Variants in MMP16 observed in about 807,000 individuals in gnomAD.
The protein encoded by MMP16 is matrix metalloproteinase-16.
In MMP16, 12 loss-of-function variants were observed where a neutral mutation model predicts 67.8. That is an observed-to-expected ratio of 0.18 (90% CI 0.11 to 0.29). MMP16 has a LOEUF of 0.29. MMP16 is among the 10% of genes least tolerant of loss of function. The probability of loss-of-function intolerance (pLI) is 1.00; values close to 1 mark genes in which losing one functional copy is unlikely to be tolerated. For missense variants in MMP16, 475 were observed against 765.7 expected (o/e 0.62, Z 4.48); for synonymous variants, 249 against 255.9 (o/e 0.97, Z 0.26).
At chr8:88,154,989 C>G (rs1808484419) in intron 4 of MMP16, among the ~76,000 whole-genome samples, 1 of 151,710 alleles carries the variant, frequency 6.6e-6, no homozygotes, top group Non-Finnish European at 1.5e-5. Context: ...TTACATAATG[C>G]TAAGTCTTTC....
intron 1 of MMP16, among the ~76,000 whole-genome samples, chr8:88,230,540 T>A (rs35389061): frequency 7.8e-6 from 1 of 127,764 alleles, no homozygotes; most frequent in Non-Finnish European, 1.8e-5. Flanking sequence ...ATTTTCTTTT[T>A]TTTTTTTTTT....
chr8:88,290,137 A>G (rs1810903672), intron 1 of MMP16, among the ~76,000 whole-genome samples: 1 of 152,202 alleles, frequency 6.6e-6, no homozygotes, highest in South Asian at 2.1e-4. Flanking sequence ...ATTCATAAAT[A>G]TGGAATCCAC....
chr8:88,255,712 AG>A (rs1287671816), intron 1 of MMP16, among the ~76,000 whole-genome samples: 1 of 152,216 alleles, frequency 6.6e-6, no homozygotes, highest in African/African-American at 2.4e-5. Flanking sequence ...ACTCTGCCGA[AG>A]GATGGGCAGG....
intron 1 of MMP16, among the ~76,000 whole-genome samples, chr8:88,224,756 T>G (rs532142424): frequency 5.3e-5 from 8 of 152,006 alleles, no homozygotes; most frequent in African/African-American, 1.7e-4. Context: ...TAGTCAAATA[T>G]AGGTGGTAAA....
intron 8 of MMP16, among the ~76,000 whole-genome samples, chr8:88,047,322 T>C (rs1324111759): frequency 2.0e-5 from 3 of 152,200 alleles, no homozygotes; most frequent in African/African-American, 4.8e-5. Context: ...AACACAGATA[T>C]GCTGTGGCTC....
intron 3 of MMP16, among the ~76,000 whole-genome samples, chr8:88,170,208 G>A (rs1464098248): frequency 6.6e-6 from 1 of 152,210 alleles, no homozygotes; most frequent in Non-Finnish European, 1.5e-5. Context: ...AGGATGGACA[G>A]AGCAAAAGAA....
At chr8:88,072,331 A>AG (rs1191841353) in intron 7 of MMP16, among the ~76,000 whole-genome samples, 1 of 152,118 alleles carries the variant, frequency 6.6e-6, no homozygotes, top group Non-Finnish European at 1.5e-5. Context: ...GGTAGAGTCT[A>AG]GGGAAGAGTG....
intron 1 of MMP16, among the ~76,000 whole-genome samples, chr8:88,274,889 G>A (rs1407859478): frequency 1.3e-5 from 2 of 151,880 alleles, no homozygotes; most frequent in African/African-American, 2.4e-5. Flanking sequence ...AAGTTCAACC[G>A]ATGTATCACC....
intron 2 of MMP16, 64 bp from the exon 3 acceptor site, chr8:88,186,662 C>A (rs944476806): frequency 3.9e-5 from 58 of 1,486,768 alleles, no homozygotes; most frequent in Non-Finnish European, 5.2e-5. Flanking sequence ...CAACCCTAAT[C>A]ATTAAATTCA....
chr8:88,303,647 G>A (rs796639930), intron 1 of MMP16, among the ~76,000 whole-genome samples: 3 of 152,318 alleles, frequency 2.0e-5, no homozygotes, highest in African/African-American at 7.2e-5. Context: ...GCCTTCACTG[G>A]TGATTACCTC....
intron 2 of MMP16, among the ~76,000 whole-genome samples, chr8:88,188,576 TG>T: frequency 6.6e-6 from 1 of 152,240 alleles, no homozygotes; most frequent in East Asian, 1.9e-4. Flanking sequence ...AATTGAAAAA[TG>T]AAGGCAGTAA....
chr8:88,193,727 C>T (rs1446845248), intron 2 of MMP16, among the ~76,000 whole-genome samples: 1 of 151,620 alleles, frequency 6.6e-6, no homozygotes, highest in Non-Finnish European at 1.5e-5. Context: ...TATTATATAT[C>T]CATAATAATT....
chr8:88,255,043 C>T (rs1314438613), intron 1 of MMP16, among the ~76,000 whole-genome samples: 3 of 152,094 alleles, frequency 2.0e-5, no homozygotes, highest in East Asian at 1.9e-4. Context: ...TTCATACACA[C>T]GGTGATTTGG....
intron 3 of MMP16, among the ~76,000 whole-genome samples, chr8:88,173,181 A>G (rs974545156): frequency 1.3e-5 from 2 of 152,054 alleles, no homozygotes; most frequent in Non-Finnish European, 2.9e-5. Context: ...CCTCCCGAGT[A>G]GCTGGGACTA....
intron 4 of MMP16, among the ~76,000 whole-genome samples, chr8:88,165,618 A>G (rs968251547): frequency 1.3e-5 from 2 of 152,108 alleles, no homozygotes; most frequent in Admixed American, 6.6e-5. Flanking sequence ...GTGATTTTGA[A>G]AAAACAAAAC....
intron 1 of MMP16, among the ~76,000 whole-genome samples, chr8:88,280,475 A>T (rs1810715187): frequency 6.6e-6 from 1 of 152,256 alleles, no homozygotes; most frequent in African/African-American, 2.4e-5. Context: ...ATGTTTTTGA[A>T]AGGAATGATT....
chr8:88,207,000 T>C (rs1809438816), intron 1 of MMP16, among the ~76,000 whole-genome samples: 1 of 152,134 alleles, frequency 6.6e-6, no homozygotes, highest in Admixed American at 6.5e-5. Flanking sequence ...AGTGGAAAAT[T>C]TTGGGGAAAG....
intron 1 of MMP16, among the ~76,000 whole-genome samples, chr8:88,215,471 A>G (rs1243325898): frequency 1.3e-5 from 2 of 152,112 alleles, no homozygotes; most frequent in African/African-American, 4.8e-5. Flanking sequence ...ATCCCTTGCC[A>G]TTTGACTTTC....
intron 1 of MMP16, among the ~76,000 whole-genome samples, chr8:88,294,604 G>A (rs1228187427): frequency 6.6e-6 from 1 of 151,714 alleles, no homozygotes; most frequent in African/African-American, 2.4e-5. Context: ...ATACATAGAT[G>A]TGCATGTATA....
Sources: allele counts gnomAD v4.1 joint callset (sites outside exome capture counted in the v4.1 genomes callset), GRCh38; gene constraint gnomAD v4.1.1; transcripts MANE v1.5; gene names NCBI Gene and HGNC (gene_info 2026-07-23, HGNC 2026-07-21).